The following DENND5B variants were observed in gnomAD, a reference collection of about 807,000 sequenced individuals.
The protein encoded by DENND5B is DENN domain containing 5B.
DENND5B carries 34 observed loss-of-function variants against 140.6 expected under a neutral mutation model. That is an observed-to-expected ratio of 0.24 (90% CI 0.18 to 0.32). DENND5B has a LOEUF of 0.32. Among genes scored for constraint, DENND5B ranks in the 10% least tolerant of loss-of-function variants. The probability of loss-of-function intolerance (pLI) is 1.00; values close to 1 mark genes in which losing one functional copy is unlikely to be tolerated. For missense variants in DENND5B, 1,142 were observed against 1,560.2 expected, an observed-to-expected ratio of 0.73 and a Z score of 4.52; for synonymous variants, 551 against 562.1, an observed-to-expected ratio of 0.98 and a Z score of 0.28.
intron 3 of DENND5B, among the ~76,000 whole-genome samples, chr12:31,469,289 C>T (rs535534839): frequency 7.5e-5 from 11 of 147,336 alleles, no homozygotes; most frequent in South Asian, 4.3e-4. Flanking sequence ...GCCAAGATCA[C>T]GCCACTGCAC....
intron 13 of DENND5B, among the ~76,000 whole-genome samples, chr12:31,409,804 A>C (rs1426985941): frequency 6.7e-6 from 1 of 150,090 alleles, no homozygotes; most frequent in African/African-American, 2.5e-5. Context: ...TTTCTTTCCC[A>C]TTATGTCTTT....
At chr12:31,579,767 G>GAGGA (rs1565715623) in intron 1 of DENND5B, among the ~76,000 whole-genome samples, 4 of 135,396 alleles carry the variant, frequency 3.0e-5, no homozygotes, top group African/African-American at 8.1e-5. Context: ...GGGAGGAAGG[G>GAGGA]AGGAAGGAAG....
At chr12:31,433,277 GTTCC>G (rs1943597730) in intron 7 of DENND5B, 29 bp from the exon 8 acceptor site, 1 of 1,585,342 alleles carries the variant, frequency 6.3e-7, no homozygotes, top group South Asian at 1.1e-5. Context: ...TTAAAAATGT[GTTCC>G]TTATCTTTAA....
rs375605849 is a variant in DENND5B at position 31,480,235 on chromosome 12, T to C, written c.258A>G (p.Leu86=). The change falls in exon 3 of 21, where the codon CTA becomes CTG. Residue 86 remains leucine, a synonymous_variant. Coordinates refer to ENST00000389082, the MANE Select transcript of DENND5B (RefSeq NM_144973.4). Reference sequence around the variant, plus strand: ...TATTGTCCGTTTGTGTCCTGAAAGATAGCCCTTTAGGCATGCACAACTGTG... The same window carrying C: ...TATTGTCCGTTTGTGTCCTGAAAGACAGCCCTTTAGGCATGCACAACTGTG... ...AVNMLCMPKG[L]SFRTQTDNKD... is the part of the protein sequence containing the mutation. The C allele has an allele frequency of 7.6e-6, 12 of 1,583,092 alleles. No homozygotes were observed. Among genetic ancestry groups the C allele is most frequent in the Non-Finnish European group, 9.4e-6 (11 of 1,165,656 alleles).
chr12:31,571,913 G>A (rs1344783255), intron 1 of DENND5B, among the ~76,000 whole-genome samples: 2 of 152,154 alleles, frequency 1.3e-5, no homozygotes, highest in African/African-American at 4.8e-5. Context: ...CCAGCCAAAA[G>A]CTACAATTTT....
rs1054280200 is a variant in DENND5B, at chr12:31,459,104, C to T, written c.1092+1090G>A. On this transcript the variant is annotated intron_variant, in intron 4 of 20. Coordinates refer to ENST00000389082, the MANE Select transcript of DENND5B (RefSeq NM_144973.4). ...GTGCATGCCTGTAATCCCAGCTACT[C>T]GGGAGGACGAGGCAGGAGAATCACT... 5.9e-5 allele frequency among the ~76,000 whole-genome samples: 9 copies of T among 151,846 alleles called. No individual in the cohort carries two copies. In the South Asian group the frequency reaches 1.2e-3, roughly 21 times the overall value.
At chr12:31,499,613 C>A in intron 1 of DENND5B, 1 of 1,495,128 alleles carries the variant, frequency 6.7e-7, no homozygotes, top group South Asian at 1.3e-5. Context: ...TACCTGAAGT[C>A]GTATTTGCAG....
At chr12:31,407,626 T>C (rs1316269774) in intron 14 of DENND5B, among the ~76,000 whole-genome samples, 1 of 152,132 alleles carries the variant, frequency 6.6e-6, no homozygotes, top group Non-Finnish European at 1.5e-5. Context: ...TTTATTGAGA[T>C]TTTTTGGAAA....
chr12:31,587,289 C>G (rs766097500), intron 1 of DENND5B, among the ~76,000 whole-genome samples: 24 of 152,186 alleles, frequency 1.6e-4, no homozygotes, highest in Non-Finnish European at 2.9e-4. Flanking sequence ...GAACTGATTT[C>G]CAGTCTGATT....
chr12:31,541,321 T>C lies in DENND5B; in HGVS notation c.128-45402A>G, dbSNP rs552749423. 3.4e-4 allele frequency among the ~76,000 whole-genome samples: 51 copies of C among 152,010 alleles called. 3 individuals are homozygous for C. The South Asian group carries it at 9.8e-3, about 29-fold the overall frequency. ...CTACCCATCTGGCAAGGGATTAATA[T>C]CCAAAATACATAAGGAAGCTCATGC... On this transcript the variant is annotated intron_variant, in intron 1 of 20. Transcript: ENST00000389082.
intron 7 of DENND5B, among the ~76,000 whole-genome samples, chr12:31,439,651 C>T (rs545566481): frequency 7.2e-5 from 11 of 152,010 alleles, no homozygotes; most frequent in African/African-American, 1.9e-4. Flanking sequence ...AAAAAAGCAC[C>T]GGGTGCAGTG....
At chr12:31,528,562 T>C (rs917045763) in intron 1 of DENND5B, among the ~76,000 whole-genome samples, 6 of 152,248 alleles carry the variant, frequency 3.9e-5, no homozygotes, top group Admixed American at 3.3e-4. Context: ...ATTTGAATTC[T>C]GGATATATTT....
intron 1 of DENND5B, among the ~76,000 whole-genome samples, chr12:31,552,048 C>T (rs1006682460): frequency 1.2e-4 from 19 of 152,078 alleles, no homozygotes; most frequent in Admixed American, 9.8e-4. Flanking sequence ...TAATTGAATA[C>T]CCTTTATTTC....
chr12:31,533,999 T>C (rs1948391502), intron 1 of DENND5B, among the ~76,000 whole-genome samples: 2 of 152,084 alleles, frequency 1.3e-5, no homozygotes, highest in Non-Finnish European at 2.9e-5. Flanking sequence ...GATGACTGCA[T>C]CAATATTTAA....
rs1220836198 is a variant in DENND5B at position 31,484,413 on chromosome 12, C to A, written c.238-4158G>T. On this transcript the variant is annotated intron_variant, in intron 2 of 20. Coordinates refer to ENST00000389082, the MANE Select transcript of DENND5B (RefSeq NM_144973.4). Reference sequence around the variant, plus strand: ...GAAAAGTTGCTGAAGAACTCAACGTCGACCATTCTATGGCCGTTTGACATG... The same window carrying A: ...GAAAAGTTGCTGAAGAACTCAACGTAGACCATTCTATGGCCGTTTGACATG... Among the ~76,000 whole-genome samples the A allele has an allele frequency of 9.9e-5, 15 of 152,002 alleles. 1 individual carries two copies. The highest frequency in any genetic ancestry group is 9.8e-4 in the Admixed American group (15 of 15,266).
intron 3 of DENND5B, among the ~76,000 whole-genome samples, chr12:31,473,655 A>G (rs1254343622): frequency 1.3e-5 from 2 of 152,202 alleles, no homozygotes; most frequent in Non-Finnish European, 2.9e-5. Flanking sequence ...TTCAGAGGCA[A>G]CTACTAAGTT....
rs1342220039 is a variant in DENND5B, at chr12:31,480,225, T to C, written c.268A>G (p.Thr90Ala). 3 of 1,591,418 alleles carry C rather than the reference T, an allele frequency of 1.9e-6. No homozygotes were observed. Among genetic ancestry groups the C allele is most frequent in the Non-Finnish European group, 2.6e-6 (3 of 1,169,472 alleles). The change falls in exon 3 of 21, where the codon ACA becomes GCA. Residue 90 changes from threonine (T) to alanine (A), a missense_variant. By Grantham distance (58) the Thr-to-Ala change is moderately conservative. Coordinates refer to ENST00000389082, the MANE Select transcript of DENND5B (RefSeq NM_144973.4). ...LCMPKGLSFR[T>A]QTDNKDPQFH... ...TGGGGGTCTTTATTGTCCGTTTGTG[T>C]CCTGAAAGATAGCCCTTTAGGCATG...
intron 1 of DENND5B, among the ~76,000 whole-genome samples, chr12:31,566,403 A>AATTAAGAGATTAAATTAAGAG (rs1949633486): frequency 3.3e-5 from 5 of 150,854 alleles, no homozygotes; most frequent in Admixed American, 6.6e-5. Flanking sequence ...ATTGTTATTA[A>AATTAAGAGATTAAATTAAGAG]ATTAAGAGAT....
At chr12:31,440,915 T>C (rs1361136774) in intron 7 of DENND5B, among the ~76,000 whole-genome samples, 2 of 152,166 alleles carry the variant, frequency 1.3e-5, no homozygotes, top group Non-Finnish European at 2.9e-5. Flanking sequence ...TTTGTATTTT[T>C]AGTAGAGACG....
Sources: gnomAD v4.1 joint callset for allele counts (sites outside exome capture counted in the v4.1 genomes callset) on GRCh38, gnomAD v4.1.1 for gene constraint, MANE v1.5 for transcripts, NCBI Gene and HGNC (gene_info 2026-07-23, HGNC 2026-07-21) for gene names.